Variants in PSG2 observed in about 807,000 individuals in gnomAD.
The protein encoded by PSG2 is pregnancy-specific beta-1-glycoprotein 2.
In PSG2, 49 loss-of-function variants were observed where a neutral mutation model predicts 36.2. That is an observed-to-expected ratio of 1.35 (90% CI 1.08 to 1.72). The LOEUF is 1.72. PSG2 is among the 40% of genes most tolerant of loss of function. The pLI is 0.00. For missense variants in PSG2, 605 were observed against 407.2 expected (o/e 1.49, Z -4.18); for synonymous variants, 261 against 155.6 (o/e 1.68, Z -5.04).
chr19:43,068,393 C>G (rs1479329871), intron 4 of PSG2, among the ~76,000 whole-genome samples: 1 of 150,066 alleles, frequency 6.7e-6, no homozygotes, highest in Non-Finnish European at 1.5e-5. Flanking sequence ...GAGCCATAAT[C>G]ACACAACTGT....
intron 4 of PSG2, among the ~76,000 whole-genome samples, chr19:43,067,170 T>G (rs1479482258): frequency 2.0e-5 from 3 of 151,542 alleles, no homozygotes; most frequent in Non-Finnish European, 2.9e-5. Flanking sequence ...CTCTTAGAAC[T>G]GCATTGGTAC....
At chr19:43,067,527 C>T (rs1481129373) in intron 4 of PSG2, among the ~76,000 whole-genome samples, 1 of 151,408 alleles carries the variant, frequency 6.6e-6, no homozygotes, top group Non-Finnish European at 1.5e-5. Context: ...AAATACTTCC[C>T]TGTATCTCAT....
chr19:43,082,381 C>A lies in PSG2; in HGVS notation c.64+125G>T, dbSNP rs1057149903. 8 of 1,441,198 alleles carry A rather than the reference C, an allele frequency of 5.6e-6. No individual in the cohort carries two copies. The Admixed American group carries it at 1.1e-4, about 19-fold the overall frequency. The allele number at this position is 1,441,198 out of a possible 1,614,324, so 89.3% of individuals were successfully genotyped here. ...GACCTTGAACTCCTGATCTCGTGAT[C>A]CACCCACCTCAGCCTCCCTAAGTGC... On this transcript the variant is annotated intron_variant, in intron 1 of 5. Transcript: ENST00000406487.
Position 43,081,617 on chromosome 19 carries a change from G to A in PSG2, c.65-371C>T, listed in dbSNP as rs1453747717. On this transcript the variant is annotated intron_variant, in intron 1 of 5. Transcript: ENST00000406487. ...CTGACACCTCCTTCAGAGACCCTGG[G>A]TCTTCCCTTTCTGACCTTTCCCTGC... Among the ~76,000 whole-genome samples, 2 of 151,528 alleles carry A rather than the reference G, an allele frequency of 1.3e-5. 1 individual carries two copies. Among genetic ancestry groups the A allele is most frequent in the African/African-American group, 4.9e-5 (2 of 40,960 alleles).
chr19:43,068,471 A>G (rs1057467200), intron 4 of PSG2, among the ~76,000 whole-genome samples: 11 of 131,496 alleles, frequency 8.4e-5, no homozygotes, highest in African/African-American at 4.4e-4. Flanking sequence ...AAAAAAAAAG[A>G]AAGAAAGAAA....
In PSG2 at chr19:43,075,534, T is replaced by G. The variant is rs1967882386; in HGVS notation, c.529A>C (p.Ser177Arg). The change falls in exon 3 of 6, where the codon AGC (serine) becomes CGC (arginine). Residue 177 changes from serine (S) to arginine (R), a missense_variant. By Grantham distance (110) the Ser-to-Arg change is moderately radical (BLOSUM62 -1). Transcript: ENST00000406487. The stretch of plus-strand genomic sequence containing the variant: ...TGACCATTCATCCACCACTGGTAGC[T>G]TGTGTCCGGAGTCTCAGGATCACAG... ...LTCDPETPDT[S>R]YQWWMNGQSL... 6.2e-7 allele frequency: 1 copy of G among 1,613,278 alleles called. No individual in the cohort carries two copies. Among genetic ancestry groups the G allele is most frequent in the Non-Finnish European group, 8.5e-7 (1 of 1,179,768 alleles).
chr19:43,076,470 T>A (rs538885090), intron 2 of PSG2, among the ~76,000 whole-genome samples: 1 of 151,828 alleles, frequency 6.6e-6, no homozygotes, highest in South Asian at 2.1e-4. Context: ...GTGGAAAGGG[T>A]GAACATGAAC....
intron 2 of PSG2, among the ~76,000 whole-genome samples, chr19:43,077,807 A>G (rs1262506902): frequency 6.6e-6 from 1 of 151,354 alleles, no homozygotes; most frequent in Non-Finnish European, 1.5e-5. Flanking sequence ...TTTCTTCCCC[A>G]CTCTTCTTGA....
At chr19:43,080,784 A>G (rs373491070) in intron 2 of PSG2, 97 bp downstream of exon 2, 3 of 1,605,114 alleles carry the variant, frequency 1.9e-6, no homozygotes, top group African/African-American at 1.3e-5. Flanking sequence ...TAATGCAGAG[A>G]GGGACACAGG....
chr19:43,081,566 C>T (rs1967976341), intron 1 of PSG2, among the ~76,000 whole-genome samples: 2 of 151,688 alleles, frequency 1.3e-5, no homozygotes, highest in Admixed American at 1.3e-4. Context: ...GTCCTGCTCA[C>T]ATCAGGGTAT....
At position 43,075,459 on chromosome 19, in the gene PSG2, G is replaced by T. The variant is rs750765678; in HGVS notation, c.604C>A (p.Leu202Ile). Residue 202 changes from leucine to isoleucine, a missense_variant, in exon 3 of 6, where the codon CTC becomes ATC. Physicochemically the swap from Leu to Ile is conservative, Grantham distance 5 (BLOSUM62 2). Coordinates refer to ENST00000406487, the MANE Select transcript of PSG2 (RefSeq NM_031246.4). ...TACTTTGTGACACCAAATAGAAAGA[G>T]GGTCCTGTTGGTTTCGGACAGCTGA... ...RFQLSETNRT[L>I]FLFGVTKYTA... 4 of 1,613,068 alleles carry T rather than the reference G, an allele frequency of 2.5e-6. No homozygotes were observed. The highest frequency in any genetic ancestry group is 1.3e-5 in the African/African-American group (1 of 74,470).
At position 43,069,279 on chromosome 19, in the gene PSG2, G is replaced by A. The variant is rs181687195; in HGVS notation, c.964+2421C>T. Among the ~76,000 whole-genome samples, 150 of 151,774 alleles carry A rather than the reference G, an allele frequency of 9.9e-4. 3 individuals are homozygous for A. Among genetic ancestry groups the A allele is most frequent in the Non-Finnish European group, 1.8e-3 (119 of 67,960 alleles). On this transcript the variant is annotated intron_variant, in intron 4 of 5. Coordinates refer to ENST00000406487, the MANE Select transcript of PSG2 (RefSeq NM_031246.4). ...AAGACTCAATATTGTTAGGAGGACAGTGCTACCCAAAGTGAGCTGCGGATT... is the reference window on the plus strand; with the variant it reads ...AAGACTCAATATTGTTAGGAGGACAATGCTACCCAAAGTGAGCTGCGGATT...
chr19:43,081,350 GACACACACACACACACACACAC>G lies in PSG2; in HGVS notation c.65-126_65-105del, dbSNP rs56971156. 3.5e-3 allele frequency: 2,984 copies of G among 855,002 alleles called. 12 individuals carry two copies. The East Asian group carries it at 0.041, about 12-fold the overall frequency. 53.0% of individuals were successfully genotyped at this position (855,002 alleles called of 1,614,324 possible). A position where few individuals can be genotyped will look rare whatever the true frequency, so the allele number is the denominator to read the frequency against. ...GGTCTCTTCAATCCTCAGCCTTGAA[GACACACACACACACACACACAC>G]ACACACACACACACACACACACACA... On this transcript the variant is annotated intron_variant, in intron 1 of 5. Coordinates refer to ENST00000406487, the MANE Select transcript of PSG2 (RefSeq NM_031246.4).
At chr19:43,070,020 A>G (rs55704099) in intron 4 of PSG2, among the ~76,000 whole-genome samples, 13,861 of 151,714 alleles carry the variant, frequency 0.091, 868 homozygotes, top group African/African-American at 0.11. Flanking sequence ...TAAAAAATGA[A>G]CAAAAGATTA....
chr19:43,065,480 C>T (rs1181057079), intron 5 of PSG2: 1 of 151,612 alleles, frequency 6.6e-6, no homozygotes, highest in African/African-American at 2.4e-5. Flanking sequence ...ATTACCAGTG[C>T]CTGGGTCCCT....
Position 43,080,786 on chromosome 19 carries a change from G to T in PSG2, c.430+95C>A. On this transcript the variant is annotated intron_variant, in intron 2 of 5. Coordinates refer to ENST00000406487, the MANE Select transcript of PSG2 (RefSeq NM_031246.4). ...CCAGCATGGGACATAATGCAGAGAG[G>T]GACACAGGCACAGTCTAGGCCTGAC... The T allele has an allele frequency of 2.5e-6, 4 of 1,606,382 alleles. No individual in the cohort carries two copies. In the South Asian group the frequency reaches 3.3e-5, roughly 13 times the overall value.
At chr19:43,072,037 C>G in intron 3 of PSG2, 83 bp from the exon 4 acceptor site, 2 of 1,532,746 alleles carry the variant, frequency 1.3e-6, no homozygotes, top group South Asian at 2.5e-5. Flanking sequence ...CACAGTGACC[C>G]TCTGAGACAA....
intron 2 of PSG2, among the ~76,000 whole-genome samples, chr19:43,080,646 C>A (rs1054012265): frequency 1.3e-5 from 2 of 151,610 alleles, no homozygotes; most frequent in African/African-American, 2.4e-5. Context: ...TGAGTCCCCC[C>A]ATCAGACTGT....
At chr19:43,074,133 T>C (rs1400777404) in intron 3 of PSG2, among the ~76,000 whole-genome samples, 1 of 151,704 alleles carries the variant, frequency 6.6e-6, no homozygotes, top group African/African-American at 2.4e-5. Context: ...CTTTCCACCT[T>C]TTCATGGTTG....
Sources: gnomAD v4.1 joint callset for allele counts (sites outside exome capture counted in the v4.1 genomes callset) on GRCh38, gnomAD v4.1.1 for gene constraint, MANE v1.5 for transcripts, NCBI Gene and HGNC (gene_info 2026-07-23, HGNC 2026-07-21) for gene names.